The following ZNHIT6 variants were observed in gnomAD, a reference collection of about 807,000 sequenced individuals.
ZNHIT6 encodes box C/D snoRNA protein 1.
A neutral mutation model predicts 57.2 loss-of-function variants in ZNHIT6; 45 were observed. The ratio of observed to expected loss-of-function variants is 0.79; its 90% confidence interval spans 0.62 to 1.01. The LOEUF (loss-of-function observed/expected upper bound fraction) is 1.01. Ranked by LOEUF, ZNHIT6 falls within the 50% of genes least tolerant of loss-of-function variation. The pLI, the probability that ZNHIT6 is intolerant of heterozygous loss-of-function variation, is 0.00. For missense variants in ZNHIT6, 528 were observed against 567.3 expected, an observed-to-expected ratio of 0.93 and a Z score of 0.70; for synonymous variants, 188 against 190.0, an observed-to-expected ratio of 0.99 and a Z score of 0.09.
chr1:85,657,126 C>T (rs1175226708), intron 9 of ZNHIT6, among the ~76,000 whole-genome samples: 4 of 152,102 alleles, frequency 2.6e-5, no homozygotes, highest in Non-Finnish European at 4.4e-5. Flanking sequence ...AAATTTTACT[C>T]ATCCTCTAAA....
At chr1:85,701,208 T>A (rs943400729) in intron 5 of ZNHIT6, among the ~76,000 whole-genome samples, 9 of 152,222 alleles carry the variant, frequency 5.9e-5, no homozygotes, top group African/African-American at 2.2e-4. Context: ...ATAATGATAA[T>A]TCTGATGGCT....
chr1:85,666,155 T>C (rs1164270381), intron 8 of ZNHIT6, among the ~76,000 whole-genome samples: 1 of 152,168 alleles, frequency 6.6e-6, no homozygotes, highest in African/African-American at 2.4e-5. Context: ...GGACAGACTT[T>C]CCAGGAAGAA....
intron 5 of ZNHIT6, among the ~76,000 whole-genome samples, chr1:85,695,762 C>G (rs1021342625): frequency 3.9e-5 from 6 of 152,236 alleles, no homozygotes; most frequent in African/African-American, 1.4e-4. Flanking sequence ...TCAGGCCGGG[C>G]GCGGTGGCTC....
chr1:85,681,373 C>T (rs970735653), intron 5 of ZNHIT6, among the ~76,000 whole-genome samples: 4 of 152,000 alleles, frequency 2.6e-5, no homozygotes, highest in Admixed American at 6.5e-5. Context: ...CTTTGAGCTA[C>T]AGTCTTTTTG....
In ZNHIT6 at chr1:85,665,333, C is replaced by T. The variant is rs150710909; in HGVS notation, c.1248-7362G>A. Among the ~76,000 whole-genome samples the T allele has an allele frequency of 9.4e-3, 1,428 of 151,858 alleles. 58 individuals carry two copies. Among genetic ancestry groups the T allele is most frequent in the Admixed American group, 0.063 (958 of 15,230 alleles). On this transcript the variant is annotated intron_variant, in intron 8 of 9. Coordinates refer to ENST00000370574, the MANE Select transcript of ZNHIT6 (RefSeq NM_017953.4). ...AGAGACAGGGTCTCCCTATGTTGCC[C>T]AGGCTGGTCTCAAACTCCTGGGCTC... is the stretch of plus-strand genomic sequence containing the variant.
intron 5 of ZNHIT6, among the ~76,000 whole-genome samples, chr1:85,686,046 C>G (rs937478188): frequency 1.3e-5 from 2 of 151,724 alleles, no homozygotes; most frequent in Middle Eastern, 3.2e-3. Flanking sequence ...ACTGCAAGCT[C>G]CACCTCCTGG....
chr1:85,678,634 G>T, intron 7 of ZNHIT6, 67 bp downstream of exon 7: 1 of 1,055,634 alleles, frequency 9.5e-7, no homozygotes, highest in Non-Finnish European at 1.4e-6. Context: ...AATAGTCATG[G>T]ATGACCCTAA....
intron 8 of ZNHIT6, among the ~76,000 whole-genome samples, chr1:85,670,613 T>C (rs1007331914): frequency 4.6e-5 from 7 of 152,204 alleles, no homozygotes; most frequent in Non-Finnish European, 8.8e-5. Flanking sequence ...TAAGTTTTAT[T>C]GGGATAAAAT....
At chr1:85,654,210 G>T in intron 9 of ZNHIT6, 112 bp from the exon 10 acceptor site, 1 of 831,358 alleles carries the variant, frequency 1.2e-6, no homozygotes, top group Non-Finnish European at 1.8e-6. Flanking sequence ...TGCTCACAGG[G>T]ACACACAAAC....
chr1:85,702,591 A>T (rs1444643864), intron 4 of ZNHIT6, among the ~76,000 whole-genome samples: 2 of 152,192 alleles, frequency 1.3e-5, no homozygotes. Flanking sequence ...GAGATTAAAC[A>T]AACAAAAACA....
In ZNHIT6 at chr1:85,679,571, T is replaced by TG. The variant is rs1484287833; in HGVS notation, c.1089-791_1089-790insC. ...TTCACAAACATTAAAATGTTTTTTT[T>TG]TTTTTTTTTTAATTTTTTTGTTGTT... On this transcript the variant is annotated intron_variant, in intron 6 of 9. Transcript: ENST00000370574. Among the ~76,000 whole-genome samples the TG allele has an allele frequency of 3.3e-5, 5 of 150,746 alleles. No homozygotes were observed. In the East Asian group the frequency reaches 5.8e-4, roughly 18 times the overall value.
At chr1:85,654,811 T>C (rs1330331899) in intron 9 of ZNHIT6, among the ~76,000 whole-genome samples, 1 of 152,128 alleles carries the variant, frequency 6.6e-6, no homozygotes, top group Non-Finnish European at 1.5e-5. Flanking sequence ...AAATAATAGG[T>C]AGTAACTCTT....
intron 8 of ZNHIT6, among the ~76,000 whole-genome samples, chr1:85,659,914 G>T (rs1372297419): frequency 6.6e-6 from 1 of 152,136 alleles, no homozygotes; most frequent in African/African-American, 2.4e-5. Context: ...ATGTTGAAAA[G>T]AAACTTGAAA....
At chr1:85,697,243 T>C (rs551278196) in intron 5 of ZNHIT6, among the ~76,000 whole-genome samples, 2 of 152,272 alleles carry the variant, frequency 1.3e-5, no homozygotes, top group South Asian at 4.1e-4. Context: ...GCATAAGCAC[T>C]CTGTGTCATA....
At chr1:85,683,192 G>T (rs1160923839) in intron 5 of ZNHIT6, among the ~76,000 whole-genome samples, 2 of 151,838 alleles carry the variant, frequency 1.3e-5, no homozygotes, top group Non-Finnish European at 2.9e-5. Context: ...ACTTCACCTG[G>T]GTGACACAAT....
chr1:85,697,800 A>C (rs1461754755), intron 5 of ZNHIT6, among the ~76,000 whole-genome samples: 1 of 152,242 alleles, frequency 6.6e-6, no homozygotes, highest in Non-Finnish European at 1.5e-5. Context: ...TTAAGAAACA[A>C]TATTGAGCTT....
chr1:85,677,280 A>C lies in ZNHIT6; in HGVS notation c.1203T>G (p.Val401=). 1.2e-6 allele frequency: 2 copies of C among 1,609,344 alleles called. No homozygotes were observed. Among genetic ancestry groups the C allele is most frequent in the Non-Finnish European group, 1.7e-6 (2 of 1,178,656 alleles). ...LKAYIRSQTG[V]QILMKIEYMQ... ...TATATTCAATCTTCATTAAAATCTG[A>C]ACCCCAGTCTGAGAGCGAATGTAGG... The change falls in exon 8 of 10, where the codon GTT becomes GTG. Residue 401 remains valine (V), a synonymous_variant. Coordinates refer to ENST00000370574, the MANE Select transcript of ZNHIT6 (RefSeq NM_017953.4).
At chr1:85,670,469 T>C (rs113388650) in intron 8 of ZNHIT6, among the ~76,000 whole-genome samples, 7 of 152,268 alleles carry the variant, frequency 4.6e-5, no homozygotes, top group African/African-American at 1.7e-4. Flanking sequence ...TTTAATGAAT[T>C]AGCACACTGA....
intron 8 of ZNHIT6, among the ~76,000 whole-genome samples, chr1:85,663,078 GA>G (rs1178158588): frequency 3.9e-5 from 6 of 152,186 alleles, no homozygotes; most frequent in African/African-American, 1.4e-4. Flanking sequence ...ACTCCACAAG[GA>G]GACTCAGTTT....
Sources: allele counts gnomAD v4.1 joint callset (sites outside exome capture counted in the v4.1 genomes callset), GRCh38; gene constraint gnomAD v4.1.1; transcripts MANE v1.5; gene names NCBI Gene and HGNC (gene_info 2026-07-23, HGNC 2026-07-21).